The following UNC13B variants were observed in gnomAD, a reference collection of about 807,000 sequenced individuals.
The protein encoded by UNC13B is protein unc-13 homolog B.
UNC13B carries 144 observed loss-of-function variants against 211.0 expected under a neutral mutation model. The observed-to-expected ratio is 0.68, with a 90% CI of 0.60 to 0.78. The LOEUF (loss-of-function observed/expected upper bound fraction) is 0.78, where lower values mean the gene tolerates loss of function less well. Ranked by LOEUF, UNC13B falls within the 30% of genes least tolerant of loss-of-function variation. The pLI is 0.00. For synonymous variants in UNC13B, 709 were observed against 725.8 expected (o/e 0.98, Z 0.37); for missense variants, 1,777 against 2,002.0 (o/e 0.89, Z 2.14).
intron 1 of UNC13B, among the ~76,000 whole-genome samples, chr9:35,170,362 CACCA>C (rs1821267946): frequency 6.6e-6 from 1 of 151,652 alleles, no homozygotes; most frequent in African/African-American, 2.4e-5. Flanking sequence ...GATGGGGTTT[CACCA>C]TGTTGGCCAG....
chr9:35,390,007 T>C (rs1349856123), intron 25 of UNC13B, 34 bp downstream of exon 25: 19 of 1,610,486 alleles, frequency 1.2e-5, no homozygotes, highest in Non-Finnish European at 1.4e-5. Context: ...TGTCTGTTGG[T>C]GGTTGGTCTG....
At chr9:35,363,434 A>G (rs957509338) in intron 11 of UNC13B, among the ~76,000 whole-genome samples, 11 of 152,266 alleles carry the variant, frequency 7.2e-5, no homozygotes, top group Admixed American at 5.9e-4. Context: ...TGGAAGAGAT[A>G]TGTCCCCATT....
intron 1 of UNC13B, among the ~76,000 whole-genome samples, chr9:35,167,754 ATTTTTTT>A (rs765603183): frequency 9.5e-5 from 11 of 115,666 alleles, no homozygotes; most frequent in South Asian, 2.8e-4. Context: ...TGCCTGGCTA[ATTTTTTT>A]TTTTTTTTTT....
At chr9:35,258,931 C>A in intron 6 of UNC13B, 62 bp from the exon 7 acceptor site, 1 of 1,544,452 alleles carries the variant, frequency 6.5e-7, no homozygotes, top group Non-Finnish European at 8.8e-7. Context: ...TGATTTTTTT[C>A]CCTGTCTTTA....
chr9:35,198,801 T>A (rs1197172492), intron 1 of UNC13B, among the ~76,000 whole-genome samples: 1 of 152,106 alleles, frequency 6.6e-6, no homozygotes, highest in Non-Finnish European at 1.5e-5. Flanking sequence ...GTCAGTTTTG[T>A]TATGTGTTAG....
At chr9:35,313,301 G>C (rs138666213) in intron 10 of UNC13B, among the ~76,000 whole-genome samples, 12 of 152,230 alleles carry the variant, frequency 7.9e-5, no homozygotes, top group African/African-American at 2.9e-4. Flanking sequence ...TCAGTACTAT[G>C]CTGCTCATTG....
chr9:35,321,139 A>T (rs1489647461), intron 11 of UNC13B, among the ~76,000 whole-genome samples: 1 of 152,136 alleles, frequency 6.6e-6, no homozygotes, highest in Non-Finnish European at 1.5e-5. Flanking sequence ...GGGTTATTAA[A>T]TATTTTTGAA....
rs373498809 is a variant in UNC13B, at chr9:35,379,116, A to T, written c.10205+680A>T. Among the ~76,000 whole-genome samples the T allele has an allele frequency of 6.4e-4, 97 of 152,216 alleles. 1 individual carries two copies. In the South Asian group the frequency reaches 0.016, roughly 24 times the overall value. On this transcript the variant is annotated intron_variant, in intron 17 of 39. Coordinates refer to ENST00000635942, the MANE Select transcript of UNC13B (RefSeq NM_001371189.2). ...TTTGAATCAGCCAAGCAGGCTGGCT[A>T]TGTAGAGGCCTCCTTCTGTTGGCTC...
At chr9:35,218,233 T>C (rs1188575179) in intron 1 of UNC13B, among the ~76,000 whole-genome samples, 1 of 152,098 alleles carries the variant, frequency 6.6e-6, no homozygotes, top group Non-Finnish European at 1.5e-5. Context: ...GGAAAACTTA[T>C]CAGTGAAAAA....
chr9:35,274,683 C>G (rs10972416), intron 7 of UNC13B, among the ~76,000 whole-genome samples: 3,952 of 152,228 alleles, frequency 0.026, 175 homozygotes, highest in African/African-American at 0.088. Flanking sequence ...TCCTGATGCC[C>G]AGGTTCCTCT....
At chr9:35,213,224 A>G (rs1824066469) in intron 1 of UNC13B, among the ~76,000 whole-genome samples, 1 of 152,032 alleles carries the variant, frequency 6.6e-6, no homozygotes, top group African/African-American at 2.4e-5. Flanking sequence ...GGCCTTTTGG[A>G]GGTCATTTGG....
At chr9:35,207,175 G>T (rs1823704047) in intron 1 of UNC13B, among the ~76,000 whole-genome samples, 1 of 152,174 alleles carries the variant, frequency 6.6e-6, no homozygotes, top group African/African-American at 2.4e-5. Flanking sequence ...GGTGTGAAAT[G>T]ATATCTTACT....
intron 1 of UNC13B, among the ~76,000 whole-genome samples, chr9:35,184,665 C>T (rs750466579): frequency 3.3e-5 from 5 of 151,596 alleles, no homozygotes; most frequent in Admixed American, 6.6e-5. Flanking sequence ...CCAAGACCAC[C>T]GCAGTACAGT....
At chr9:35,402,308 G>T (rs1393998889) in intron 37 of UNC13B, among the ~76,000 whole-genome samples, 1 of 147,036 alleles carries the variant, frequency 6.8e-6, no homozygotes, top group Non-Finnish European at 1.5e-5. Flanking sequence ...TTGAGACGGA[G>T]TCTCGCTCTG....
intron 1 of UNC13B, among the ~76,000 whole-genome samples, chr9:35,177,347 G>A (rs950494501): frequency 6.6e-6 from 1 of 152,106 alleles, no homozygotes; most frequent in Non-Finnish European, 1.5e-5. Context: ...GAAAGTTAGC[G>A]GGAATAAGAC....
At chr9:35,209,119 C>G (rs1199097665) in intron 1 of UNC13B, among the ~76,000 whole-genome samples, 1 of 152,174 alleles carries the variant, frequency 6.6e-6, no homozygotes, top group Non-Finnish European at 1.5e-5. Context: ...GGGTGGAGTA[C>G]AGTGGCACAA....
chr9:35,275,200 G>C (rs987383350), intron 7 of UNC13B, among the ~76,000 whole-genome samples: 1 of 152,100 alleles, frequency 6.6e-6, no homozygotes, highest in African/African-American at 2.4e-5. Context: ...GGGTAAACTA[G>C]AGTTAAAACT....
At chr9:35,190,407 C>G (rs745863121) in intron 1 of UNC13B, among the ~76,000 whole-genome samples, 1 of 152,200 alleles carries the variant, frequency 6.6e-6, no homozygotes, top group African/African-American at 2.4e-5. Flanking sequence ...AAAGCTCTCT[C>G]ATAATGTGAA....
intron 8 of UNC13B, among the ~76,000 whole-genome samples, chr9:35,297,843 C>G (rs1829472468): frequency 6.6e-6 from 1 of 152,154 alleles, no homozygotes; most frequent in Non-Finnish European, 1.5e-5. Context: ...GCCACCGCGC[C>G]CGGCCCCTAC....
Sources: allele counts gnomAD v4.1 joint callset (sites outside exome capture counted in the v4.1 genomes callset), GRCh38; gene constraint gnomAD v4.1.1; transcripts MANE v1.5; gene names NCBI Gene and HGNC (gene_info 2026-07-23, HGNC 2026-07-21).